ARHGAP6: variants seen among roughly 807,000 people sequenced by gnomAD.
ARHGAP6 encodes rho GTPase-activating protein 6.
ARHGAP6 carries 16 observed loss-of-function variants against 55.7 expected under a neutral mutation model. The ratio of observed to expected loss-of-function variants is 0.29; its 90% CI spans 0.19 to 0.44. ARHGAP6 has a LOEUF of 0.44. Among genes scored for constraint, ARHGAP6 ranks in the 20% least tolerant of loss-of-function variants. The probability of loss-of-function intolerance (pLI) is 1.00; values close to 1 mark genes in which losing one functional copy is unlikely to be tolerated. For synonymous variants in ARHGAP6, 382 were observed against 360.9 expected (o/e 1.06, Z -0.66); for missense variants, 698 against 808.9 (o/e 0.86, Z 1.66).
At chrX:11,664,204 C>T (rs1361838048) in intron 1 of ARHGAP6, 37 bp downstream of exon 1, 17 of 1,149,813 alleles carry the variant, frequency 1.5e-5, no homozygotes, top group Non-Finnish European at 1.9e-5. Flanking sequence ...TGGGGGCCTC[C>T]TCCTTGGGCC....
chrX:11,375,176 C>T (rs1004100789), intron 1 of ARHGAP6, among the ~76,000 whole-genome samples: 3 of 111,960 alleles, frequency 2.7e-5, no homozygotes, highest in African/African-American at 9.7e-5. Flanking sequence ...AAATGTATAA[C>T]TTAGATCTTA....
intron 2 of ARHGAP6, among the ~76,000 whole-genome samples, chrX:11,230,382 G>A (rs2047111002): frequency 9.0e-6 from 1 of 110,771 alleles, no homozygotes; most frequent in African/African-American, 3.3e-5. Flanking sequence ...ATTTTTAGTA[G>A]AGACGGGGTT....
intron 1 of ARHGAP6, among the ~76,000 whole-genome samples, chrX:11,255,336 G>A (rs2047479929): frequency 9.1e-6 from 1 of 110,093 alleles, no homozygotes; most frequent in African/African-American, 3.3e-5. Flanking sequence ...GGGCTTTTTA[G>A]TTAATCCCTC....
chrX:11,497,584 T>TCTCTCTCTCTGC (rs1470012715), intron 1 of ARHGAP6, among the ~76,000 whole-genome samples: 1 of 87,346 alleles, frequency 1.1e-5, no homozygotes, highest in African/African-American at 4.3e-5. Flanking sequence ...TCTCTCTCTC[T>TCTCTCTCTCTGC]CTCTCTGCCA....
intron 1 of ARHGAP6, among the ~76,000 whole-genome samples, chrX:11,448,566 G>A (rs763659718): frequency 3.6e-5 from 4 of 111,502 alleles, no homozygotes; most frequent in Non-Finnish European, 5.7e-5. Flanking sequence ...ACCACTTAAA[G>A]TTACCTCTTC....
chrX:11,349,043 GT>G (rs755689676), intron 1 of ARHGAP6, among the ~76,000 whole-genome samples: 2,295 of 92,535 alleles, frequency 0.025, 42 homozygotes, highest in African/African-American at 0.065. Flanking sequence ...TGTTATTCCT[GT>G]TTTTTTTTTT....
intron 1 of ARHGAP6, among the ~76,000 whole-genome samples, chrX:11,660,063 A>G (rs1327972334): frequency 9.0e-6 from 1 of 111,637 alleles, no homozygotes; most frequent in Non-Finnish European, 1.9e-5. Context: ...GAGCACAGTG[A>G]GACGCTTCGT....
chrX:11,251,686 A>G (rs976930730), intron 2 of ARHGAP6, among the ~76,000 whole-genome samples: 5 of 111,782 alleles, frequency 4.5e-5, no homozygotes, highest in African/African-American at 1.6e-4. Context: ...GGTCCTGGCT[A>G]CAGTATTTAT....
At chrX:11,395,506 C>T (rs966772421) in intron 1 of ARHGAP6, among the ~76,000 whole-genome samples, 2 of 111,895 alleles carry the variant, frequency 1.8e-5, no homozygotes, top group African/African-American at 3.3e-5. Flanking sequence ...CTCATTGTGG[C>T]GGATTCCAGG....
chrX:11,442,129 C>T (rs377021767), intron 1 of ARHGAP6, among the ~76,000 whole-genome samples: 5 of 110,950 alleles, frequency 4.5e-5, no homozygotes, highest in African/African-American at 1.6e-4. Flanking sequence ...AAAAAATTGT[C>T]ATCAATTGCC....
chrX:11,181,942 T>C (rs780240109), intron 6 of ARHGAP6, 121 bp downstream of exon 6: 2 of 532,812 alleles, frequency 3.8e-6, no homozygotes, highest in African/African-American at 5.3e-5. Context: ...TTATAATAGC[T>C]TGGAGGGTAA....
At chrX:11,540,924 G>A (rs1010580209) in intron 1 of ARHGAP6, among the ~76,000 whole-genome samples, 1 of 112,665 alleles carries the variant, frequency 8.9e-6, no homozygotes, top group African/African-American at 3.2e-5. Context: ...AACCATGGCA[G>A]AAGAATTGCA....
chrX:11,558,350 C>T (rs969363713), intron 1 of ARHGAP6, among the ~76,000 whole-genome samples: 2 of 111,690 alleles, frequency 1.8e-5, no homozygotes, highest in African/African-American at 6.5e-5. Context: ...CATCGCCAAA[C>T]ATCATGTTAT....
intron 1 of ARHGAP6, among the ~76,000 whole-genome samples, chrX:11,280,474 T>C (rs983927371): frequency 8.9e-6 from 1 of 111,883 alleles, no homozygotes; most frequent in Non-Finnish European, 1.9e-5. Context: ...TTTTTGTTAG[T>C]CTTGCCTTGT....
intron 1 of ARHGAP6, among the ~76,000 whole-genome samples, chrX:11,663,773 A>G (rs755723030): frequency 2.7e-5 from 3 of 112,188 alleles, no homozygotes; most frequent in African/African-American, 9.7e-5. Context: ...ACCCAAACAC[A>G]CACACACACT....
chrX:11,369,424 C>T (rs1349743527), intron 1 of ARHGAP6, among the ~76,000 whole-genome samples: 10 of 110,699 alleles, frequency 9.0e-5, no homozygotes, highest in Non-Finnish European at 1.9e-4. Flanking sequence ...TCCAAGTTTT[C>T]CTAGTTAGCC....
chrX:11,341,228 A>T (rs972075974), intron 1 of ARHGAP6, among the ~76,000 whole-genome samples: 5 of 111,759 alleles, frequency 4.5e-5, no homozygotes, highest in Non-Finnish European at 3.8e-5. Flanking sequence ...ATGATTCCAA[A>T]ACCCATGTCA....
At chrX:11,651,743 A>G (rs2052586572) in intron 1 of ARHGAP6, among the ~76,000 whole-genome samples, 1 of 111,766 alleles carries the variant, frequency 8.9e-6, no homozygotes, top group Non-Finnish European at 1.9e-5. Context: ...CAACTAATTT[A>G]CACTCCCACC....
intron 1 of ARHGAP6, among the ~76,000 whole-genome samples, chrX:11,264,654 G>A (rs748394862): frequency 2.9e-4 from 32 of 111,709 alleles, no homozygotes; most frequent in African/African-American, 1.0e-3. Context: ...GGAAACACTG[G>A]CATGAATTAG....
Sources: gnomAD v4.1 joint callset for allele counts (sites outside exome capture counted in the v4.1 genomes callset) on GRCh38, gnomAD v4.1.1 for gene constraint, MANE v1.5 for transcripts, NCBI Gene and HGNC (gene_info 2026-07-23, HGNC 2026-07-21) for gene names.